The following SMAD2 variants were observed in gnomAD, a reference collection of about 807,000 sequenced individuals.
SMAD2 encodes the protein SMAD family member 2, also known as MAD homolog 2.
Under a neutral mutation model 64.4 loss-of-function variants are expected in SMAD2, and 8 were observed. The observed-to-expected ratio is 0.12, with a 90% CI of 0.07 to 0.22. The LOEUF is 0.22. Among genes scored for constraint, SMAD2 ranks in the 10% least tolerant of loss-of-function variants. The pLI is 1.00. For synonymous variants in SMAD2, 203 were observed against 195.8 expected, an observed-to-expected ratio of 1.04 and a Z score of -0.31; for missense variants, 289 against 561.2, an observed-to-expected ratio of 0.51 and a Z score of 4.90.
intron 1 of SMAD2, among the ~76,000 whole-genome samples, chr18:47,911,244 G>A (rs527826420): frequency 1.8e-4 from 28 of 151,916 alleles, no homozygotes; most frequent in African/African-American, 6.0e-4. Context: ...CCAACTACTC[G>A]TGAGGCTGAG....
In SMAD2 at chr18:47,815,327, T is replaced by C. The variant is rs184100656; in HGVS notation, c.*26500A>G. On this transcript the variant is annotated 3_prime_UTR_variant, in exon 11 of 11. Coordinates refer to ENST00000262160, the MANE Select transcript of SMAD2 (RefSeq NM_005901.6). ...TGTGAAATGAAGGAACTGTAACTTC[T>C]TTTCTGCATGATCTGAGTTTTAATG... 13 of 152,364 alleles carry C rather than the reference T, an allele frequency of 8.5e-5. No individual in the cohort carries two copies. In the East Asian group the frequency reaches 2.5e-3, roughly 29 times the overall value. 9.4% of individuals were successfully genotyped at this position (152,364 alleles called of 1,614,324 possible). A position where few individuals can be genotyped will look rare whatever the true frequency, so the allele number is the denominator to read the frequency against.
At position 47,914,296 on chromosome 18, in the gene SMAD2, T is replaced by A. The variant is rs540140467; in HGVS notation, c.-54+16065A>T. ...CTGTATTTTAATTAAAAATCTTTTA[T>A]GCCACAACCTTGCTTTTCAAAGAAA... On this transcript the variant is annotated intron_variant, in intron 1 of 10. Coordinates refer to ENST00000262160, the MANE Select transcript of SMAD2 (RefSeq NM_005901.6). 1.3e-3 allele frequency among the ~76,000 whole-genome samples: 198 copies of A among 152,348 alleles called. 1 individual carries two copies. Among genetic ancestry groups the A allele is most frequent in the African/African-American group, 3.9e-3 (163 of 41,592 alleles).
intron 2 of SMAD2, among the ~76,000 whole-genome samples, chr18:47,894,467 C>T (rs960811490): frequency 6.6e-6 from 1 of 152,164 alleles, no homozygotes; most frequent in African/African-American, 2.4e-5. Flanking sequence ...CACACTATGG[C>T]CATTTGCCAC....
chr18:47,874,424 A>T (rs980360834), intron 2 of SMAD2, among the ~76,000 whole-genome samples: 2 of 152,216 alleles, frequency 1.3e-5, no homozygotes, highest in South Asian at 4.1e-4. Context: ...AAAGAGTATG[A>T]AAGAACTTTC....
In SMAD2 at chr18:47,928,052, G is replaced by A. The variant is rs2034838858; in HGVS notation, c.-54+2309C>T. Among the ~76,000 whole-genome samples the A allele has an allele frequency of 2.0e-5, 3 of 152,032 alleles. No homozygotes were observed. The South Asian group carries it at 6.2e-4, about 32-fold the overall frequency. On this transcript the variant is annotated intron_variant, in intron 1 of 10. Transcript: ENST00000262160. ...CACAGAAACTAAGGGCCTAAAAATG[G>A]CTCTTCTACACCCATCAAAAGACTA...
At chr18:47,896,863 AATTTCAACT>A in intron 1 of SMAD2, 54 bp from the exon 2 acceptor site, 1 of 1,480,310 alleles carries the variant, frequency 6.8e-7, no homozygotes, top group Non-Finnish European at 9.2e-7. Context: ...ATCAAGTAAT[AATTTCAACT>A]TATCATAGAA....
At chr18:47,884,518 A>G (rs904936230) in intron 2 of SMAD2, among the ~76,000 whole-genome samples, 2 of 152,228 alleles carry the variant, frequency 1.3e-5, no homozygotes, top group Non-Finnish European at 2.9e-5. Flanking sequence ...AGCTAAAACA[A>G]TAAAACTGGT....
At chr18:47,854,858 C>T (rs2030524078) in intron 6 of SMAD2, among the ~76,000 whole-genome samples, 1 of 152,136 alleles carries the variant, frequency 6.6e-6, no homozygotes, top group African/African-American at 2.4e-5. Flanking sequence ...TACACTGATA[C>T]ATCATTATCA....
At chr18:47,847,544 T>G (rs972360384) in intron 8 of SMAD2, among the ~76,000 whole-genome samples, 1 of 148,582 alleles carries the variant, frequency 6.7e-6, no homozygotes, top group Non-Finnish European at 1.5e-5. Context: ...ATATTAGATA[T>G]AAAAACTGAG....
Position 47,834,779 on chromosome 18 carries a change from A to C in SMAD2, c.*7048T>G, listed in dbSNP as rs1271699826. The stretch of plus-strand genomic sequence containing the variant: ...TTCTAGCTTTGTCCAGTTATATGGT[A>C]TTTTACTGTATTCTCTTTTTGCAAT... On this transcript the variant is annotated 3_prime_UTR_variant, in exon 11 of 11. Coordinates refer to ENST00000262160, the MANE Select transcript of SMAD2 (RefSeq NM_005901.6). The C allele has an allele frequency of 1.4e-5, 3 of 219,924 alleles. No individual in the cohort carries two copies. Among genetic ancestry groups the C allele is most frequent in the Non-Finnish European group, 2.7e-5 (3 of 109,688 alleles). 13.6% of individuals were successfully genotyped at this position (219,924 alleles called of 1,614,324 possible).
chr18:47,872,423 C>A (rs1366430563), intron 2 of SMAD2, among the ~76,000 whole-genome samples: 1 of 151,952 alleles, frequency 6.6e-6, no homozygotes. Context: ...CTAAAAAATA[C>A]AACAATTGAA....
chr18:47,843,078 C>T (rs1914128227), intron 10 of SMAD2, among the ~76,000 whole-genome samples: 1 of 152,120 alleles, frequency 6.6e-6, no homozygotes, highest in Non-Finnish European at 1.5e-5. Context: ...ATCAGTGCCC[C>T]ACTGTACCCT....
intron 2 of SMAD2, 50 bp downstream of exon 2, chr18:47,896,471 T>C (rs371325774): frequency 2.1e-4 from 336 of 1,590,576 alleles, no homozygotes; most frequent in Non-Finnish European, 2.7e-4. Context: ...TAACTTTCCT[T>C]CAGATTCCTT....
At chr18:47,871,384 T>G (rs552162899) in intron 2 of SMAD2, among the ~76,000 whole-genome samples, 1 of 152,234 alleles carries the variant, frequency 6.6e-6, no homozygotes, top group Non-Finnish European at 1.5e-5. Context: ...AAAACATCTT[T>G]TGAAAATGAA....
intron 10 of SMAD2, among the ~76,000 whole-genome samples, chr18:47,842,929 T>C (rs755685028): frequency 3.3e-5 from 5 of 152,206 alleles, no homozygotes; most frequent in Non-Finnish European, 7.4e-5. Context: ...ATAAAGTCAA[T>C]AAATCCACTT....
At chr18:47,920,985 C>T (rs1310744314) in intron 1 of SMAD2, among the ~76,000 whole-genome samples, 1 of 152,230 alleles carries the variant, frequency 6.6e-6, no homozygotes, top group East Asian at 1.9e-4. Context: ...CGAAACCCCA[C>T]CTCTACAAAA....
At chr18:47,886,652 C>G (rs1256805602) in intron 2 of SMAD2, among the ~76,000 whole-genome samples, 1 of 151,664 alleles carries the variant, frequency 6.6e-6, no homozygotes, top group Non-Finnish European at 1.5e-5. Flanking sequence ...AGACAAAAGG[C>G]TGGGGTGAAG....
chr18:47,926,315 T>C (rs1196831745), intron 1 of SMAD2, among the ~76,000 whole-genome samples: 1 of 152,222 alleles, frequency 6.6e-6, no homozygotes, highest in Non-Finnish European at 1.5e-5. Context: ...TTAAAAAGAT[T>C]TTCCCAAACA....
intron 1 of SMAD2, among the ~76,000 whole-genome samples, chr18:47,925,298 G>T (rs2034719466): frequency 6.6e-6 from 1 of 152,204 alleles, no homozygotes; most frequent in South Asian, 2.1e-4. Flanking sequence ...AATCACGTCA[G>T]AATTTCTATT....
Sources: allele counts gnomAD v4.1 joint callset (sites outside exome capture counted in the v4.1 genomes callset), GRCh38; gene constraint gnomAD v4.1.1; transcripts MANE v1.5; gene names NCBI Gene and HGNC (gene_info 2026-07-23, HGNC 2026-07-21).